CACNA2D3: variants seen among roughly 807,000 people sequenced by gnomAD.
CACNA2D3 encodes calcium voltage-gated channel auxiliary subunit alpha2delta 3.
Under a neutral mutation model 160.6 loss-of-function variants are expected in CACNA2D3, and 60 were observed. That is an observed-to-expected ratio of 0.37 (90% CI 0.30 to 0.46). The LOEUF (loss-of-function observed/expected upper bound fraction) is 0.46, where lower values mean the gene tolerates loss of function less well. CACNA2D3 is among the 20% of genes least tolerant of loss of function. The pLI is 1.00. For missense variants in CACNA2D3, 1,205 were observed against 1,365.0 expected (o/e 0.88, Z 1.85); for synonymous variants, 558 against 492.9 (o/e 1.13, Z -1.75).
At chr3:54,326,175 A>G (rs752104133) in intron 3 of CACNA2D3, among the ~76,000 whole-genome samples, 1 of 152,208 alleles carries the variant, frequency 6.6e-6, no homozygotes, top group Non-Finnish European at 1.5e-5. Context: ...GAGAAATTCC[A>G]CATGCAGCAA....
intron 3 of CACNA2D3, among the ~76,000 whole-genome samples, chr3:54,375,832 G>C (rs1248686815): frequency 1.3e-5 from 2 of 152,140 alleles, no homozygotes; most frequent in Admixed American, 1.3e-4. Context: ...TTCCAGAGAA[G>C]AGATGGCCGT....
At chr3:54,617,762 G>C (rs1273894187) in intron 9 of CACNA2D3, among the ~76,000 whole-genome samples, 1 of 152,152 alleles carries the variant, frequency 6.6e-6, no homozygotes, top group Non-Finnish European at 1.5e-5. Context: ...ACTGATGTAG[G>C]CAGCTGTGTG....
intron 13 of CACNA2D3, among the ~76,000 whole-genome samples, chr3:54,802,889 A>G (rs953685399): frequency 4.6e-5 from 7 of 152,338 alleles, no homozygotes; most frequent in African/African-American, 1.7e-4. Context: ...AGACAGCAGC[A>G]TTCGCGATTC....
chr3:55,057,030 C>G (rs780892894), intron 35 of CACNA2D3, among the ~76,000 whole-genome samples: 1 of 152,176 alleles, frequency 6.6e-6, no homozygotes, highest in Non-Finnish European at 1.5e-5. Flanking sequence ...CAAATCTCAT[C>G]TTGAATTGTA....
intron 9 of CACNA2D3, among the ~76,000 whole-genome samples, chr3:54,590,805 A>C (rs1045609034): frequency 6.6e-6 from 1 of 152,116 alleles, no homozygotes; most frequent in Non-Finnish European, 1.5e-5. Context: ...TAAAAAGTGT[A>C]ATTAAAAAAT....
chr3:54,643,582 A>G (rs1186308871), intron 11 of CACNA2D3, among the ~76,000 whole-genome samples: 1 of 152,208 alleles, frequency 6.6e-6, no homozygotes, highest in African/African-American at 2.4e-5. Context: ...GTTCAGTCCA[A>G]CCCTTGAAGT....
intron 2 of CACNA2D3, among the ~76,000 whole-genome samples, chr3:54,291,613 A>G (rs757156337): frequency 1.3e-4 from 20 of 152,114 alleles, no homozygotes; most frequent in African/African-American, 2.7e-4. Context: ...GCGAAACAGA[A>G]CAGAGCCTGG....
intron 5 of CACNA2D3, among the ~76,000 whole-genome samples, chr3:54,543,412 C>T (rs117486276): frequency 3.9e-5 from 6 of 152,100 alleles, no homozygotes; most frequent in East Asian, 3.9e-4. Context: ...TTTTTAACAG[C>T]GGATATTTTT....
At chr3:54,574,617 A>G (rs913212186) in intron 8 of CACNA2D3, among the ~76,000 whole-genome samples, 1 of 152,228 alleles carries the variant, frequency 6.6e-6, no homozygotes, top group Non-Finnish European at 1.5e-5. Flanking sequence ...TGGTGCATGA[A>G]GAGAGATGTC....
At chr3:54,745,395 G>A (rs906942613) in intron 11 of CACNA2D3, among the ~76,000 whole-genome samples, 12 of 152,176 alleles carry the variant, frequency 7.9e-5, no homozygotes, top group African/African-American at 2.9e-4. Context: ...GCTGTGGATT[G>A]GTTGGTTTGT....
At chr3:54,645,045 C>G (rs1699607260) in intron 11 of CACNA2D3, among the ~76,000 whole-genome samples, 1 of 152,206 alleles carries the variant, frequency 6.6e-6, no homozygotes. Context: ...CATTTTCACA[C>G]TGCTATAAAG....
intron 9 of CACNA2D3, among the ~76,000 whole-genome samples, chr3:54,604,542 C>T (rs1366392818): frequency 1.3e-5 from 2 of 152,180 alleles, no homozygotes; most frequent in African/African-American, 4.8e-5. Flanking sequence ...TTCCAAGACT[C>T]AGACCCCAAA....
intron 3 of CACNA2D3, among the ~76,000 whole-genome samples, chr3:54,341,085 T>C (rs1698332684): frequency 6.6e-6 from 1 of 152,234 alleles, no homozygotes; most frequent in Non-Finnish European, 1.5e-5. Flanking sequence ...TCTGTTCAAA[T>C]GTCAGTTCTC....
At position 54,851,495 on chromosome 3, in the gene CACNA2D3, T is replaced by C. The variant is rs1386877862; in HGVS notation, c.1626+5028T>C. Among the ~76,000 whole-genome samples, 4 of 152,102 alleles carry C rather than the reference T, an allele frequency of 2.6e-5. No individual in the cohort carries two copies. The East Asian group carries it at 7.7e-4, about 29-fold the overall frequency. On this transcript the variant is annotated intron_variant, in intron 17 of 37. Transcript: ENST00000474759. ...GACCCTTAACCCCAGTCAGTTTAGGTGTACTAAGTTCACTCTGCTGCGTGG... is the reference window on the plus strand; with the variant it reads ...GACCCTTAACCCCAGTCAGTTTAGGCGTACTAAGTTCACTCTGCTGCGTGG...
chr3:54,461,883 G>A (rs1182898102), intron 4 of CACNA2D3, among the ~76,000 whole-genome samples: 1 of 152,038 alleles, frequency 6.6e-6, no homozygotes, highest in Admixed American at 6.6e-5. Flanking sequence ...TGTCAATTTT[G>A]GATCCTTCCT....
chr3:54,851,093 ATTTG>A (rs1423246909), intron 17 of CACNA2D3, among the ~76,000 whole-genome samples: 1 of 152,072 alleles, frequency 6.6e-6, no homozygotes, highest in Non-Finnish European at 1.5e-5. Context: ...TGCGCTTTTT[ATTTG>A]TTTGTTGTTG....
intron 4 of CACNA2D3, among the ~76,000 whole-genome samples, chr3:54,468,015 T>C (rs1700660003): frequency 6.6e-6 from 1 of 152,188 alleles, no homozygotes; most frequent in African/African-American, 2.4e-5. Flanking sequence ...GATGTGTCAA[T>C]TGTACATTTA....
rs145102567 is a variant in CACNA2D3 at position 54,414,188 on chromosome 3, A to G, written c.381+27414A>G. Among the ~76,000 whole-genome samples the G allele has an allele frequency of 2.6e-3, 390 of 152,174 alleles. 3 individuals carry two copies. Among genetic ancestry groups the G allele is most frequent in the African/African-American group, 8.5e-3 (355 of 41,572 alleles). ...ATCTTGTGCATTCTAACATTATATC[A>G]GCAGTGAGAACAACATTGACTTATT... On this transcript the variant is annotated intron_variant, in intron 4 of 37. Transcript: ENST00000474759.
At chr3:54,378,138 C>G (rs983715911) in intron 3 of CACNA2D3, among the ~76,000 whole-genome samples, 1 of 152,166 alleles carries the variant, frequency 6.6e-6, no homozygotes, top group African/African-American at 2.4e-5. Flanking sequence ...TTTTGGAGAA[C>G]AAATGGTCAT....
Sources: gnomAD v4.1 joint callset for allele counts (sites outside exome capture counted in the v4.1 genomes callset) on GRCh38, gnomAD v4.1.1 for gene constraint, MANE v1.5 for transcripts, NCBI Gene and HGNC (gene_info 2026-07-23, HGNC 2026-07-21) for gene names.